The following MRAP2 variants were observed in gnomAD, a reference collection of about 807,000 sequenced individuals.
MRAP2 encodes melanocortin-2 receptor accessory protein 2.
Under a neutral mutation model 17.4 loss-of-function variants are expected in MRAP2, and 20 were observed. That is an observed-to-expected ratio of 1.15 (90% CI 0.81 to 1.67). The LOEUF (loss-of-function observed/expected upper bound fraction) is 1.67, where lower values mean the gene tolerates loss of function less well. Ranked by LOEUF, MRAP2 falls within the 40% of genes most tolerant of loss-of-function variation. The pLI is 0.00. For synonymous variants in MRAP2, 96 were observed against 88.4 expected (o/e 1.09, Z -0.48); for missense variants, 238 against 240.0 (o/e 0.99, Z 0.05).
chr6:84,114,745 C>T, the MRAP2 span, among the ~76,000 whole-genome samples: 10 of 152,146 alleles, frequency 6.6e-5, no homozygotes, highest in Admixed American at 1.3e-4. Flanking sequence ...TGGTGACCTT[C>T]GGATGGGGTC....
At chr6:84,035,448 T>C in intron 1 of MRAP2, 2 of 983,064 alleles carry the variant, frequency 2.0e-6, no homozygotes, top group Non-Finnish European at 2.4e-6. Flanking sequence ...GGGTATGCTG[T>C]ATCCATTGTC....
rs1452071609 is a variant in MRAP2, at chr6:84,047,161, A to ATTT, written c.-7-8147_-7-8145dup. On this transcript the variant is annotated intron_variant, in intron 1 of 3. Transcript: ENST00000257776. Reference sequence around the variant, plus strand: ...TTTGGAAGCACTGCTTATTATTATTATTTTTTAAATTATTTGTATTATTTA... The same window carrying ATTT: ...TTTGGAAGCACTGCTTATTATTATTATTTTTTTTTAAATTATTTGTATTATTTA... Among the ~76,000 whole-genome samples the ATTT allele has an allele frequency of 3.3e-5, 5 of 151,862 alleles. No individual in the cohort carries two copies. The East Asian group carries it at 9.7e-4, about 29-fold the overall frequency.
intron 1 of MRAP2, among the ~76,000 whole-genome samples, chr6:84,040,274 C>T (rs1437537530): frequency 6.6e-6 from 1 of 152,200 alleles, no homozygotes; most frequent in Non-Finnish European, 1.5e-5. Context: ...CTGAGGCCTC[C>T]CTAGCCCTGC....
the MRAP2 span, among the ~76,000 whole-genome samples, chr6:84,143,619 G>A: frequency 6.6e-6 from 1 of 151,866 alleles, no homozygotes; most frequent in Non-Finnish European, 1.5e-5. Flanking sequence ...GTAGAAGCTT[G>A]CAGAAGGAGA....
At chr6:84,126,506 T>C in the MRAP2 span, 2 of 1,530,032 alleles carry the variant, frequency 1.3e-6, no homozygotes, top group Non-Finnish European at 1.8e-6. Context: ...TCTAAGAGTT[T>C]TGTAATCTAA....
At chr6:84,057,589 G>T (rs2099492010) in intron 2 of MRAP2, among the ~76,000 whole-genome samples, 2 of 152,054 alleles carry the variant, frequency 1.3e-5, no homozygotes, top group African/African-American at 2.4e-5. Flanking sequence ...ATACAGATTT[G>T]GCACCAACAA....
chr6:84,053,090 T>G (rs2099490846), intron 1 of MRAP2, among the ~76,000 whole-genome samples: 1 of 152,132 alleles, frequency 6.6e-6, no homozygotes, highest in Admixed American at 6.5e-5. Context: ...TAGCCACAAA[T>G]GGGGGTCCCC....
intron 3 of MRAP2, among the ~76,000 whole-genome samples, chr6:84,071,412 A>G (rs1178995901): frequency 2.6e-5 from 4 of 152,144 alleles, no homozygotes; most frequent in African/African-American, 9.7e-5. Flanking sequence ...TAGGGCCCCA[A>G]TCCCTTCTAG....
the MRAP2 span, among the ~76,000 whole-genome samples, chr6:84,111,103 A>G: frequency 1.3e-5 from 2 of 152,118 alleles, no homozygotes; most frequent in Admixed American, 6.5e-5. Flanking sequence ...TTGGTTCCCT[A>G]TGAAATTTAA....
At chr6:84,071,246 CT>C (rs1313852761) in intron 3 of MRAP2, among the ~76,000 whole-genome samples, 1 of 152,168 alleles carries the variant, frequency 6.6e-6, no homozygotes, top group Admixed American at 6.5e-5. Context: ...CTTAAAGCTC[CT>C]TTTAGCAGTT....
intron 1 of MRAP2, among the ~76,000 whole-genome samples, chr6:84,054,255 C>T (rs981038591): frequency 2.0e-5 from 3 of 152,098 alleles, no homozygotes; most frequent in Non-Finnish European, 2.9e-5. Flanking sequence ...GCATCTCTGC[C>T]CACCCCACAG....
chr6:84,080,581 A>G lies in MRAP2; in HGVS notation c.228-8510A>G, dbSNP rs181123013. ...TTAGCCACATTTGAGCAACAAAGGT[A>G]GTTTGGAGGGAGTGGCTCTCAGGCT... On this transcript the variant is annotated intron_variant, in intron 3 of 3. Transcript: ENST00000257776. 5.5e-3 allele frequency among the ~76,000 whole-genome samples: 831 copies of G among 152,296 alleles called. 22 individuals carry two copies. The highest frequency in any genetic ancestry group is 0.05 in the Admixed American group (757 of 15,288).
the MRAP2 span, among the ~76,000 whole-genome samples, chr6:84,127,324 C>CTAATAA: frequency 0.11 from 16,172 of 151,938 alleles, 1,343 homozygotes; most frequent in African/African-American, 0.24. Context: ...AACAATAATA[C>CTAATAA]TAATACTAAA....
intron 3 of MRAP2, among the ~76,000 whole-genome samples, chr6:84,079,988 C>T (rs906392387): frequency 3.3e-5 from 5 of 151,010 alleles, no homozygotes; most frequent in South Asian, 2.1e-4. Context: ...TGAGGACCCT[C>T]GTTTCATAAC....
At position 84,089,194 on chromosome 6, in the gene MRAP2, G is replaced by A. The variant is rs746155658; in HGVS notation, c.331G>A (p.Glu111Lys). Reference protein sequence around the residue: ...DKVFSRQGNEESRSLFHCYIN... With the variant: ...DKVFSRQGNEKSRSLFHCYIN... Reference sequence around the variant, plus strand: ...AGTATTTTCTCGCCAAGGCAACGAGGAGTCCAGGTCTCTCTTTCACTGCTA... The same window carrying A: ...AGTATTTTCTCGCCAAGGCAACGAGAAGTCCAGGTCTCTCTTTCACTGCTA... The change falls in exon 4 of 4, where the codon GAG (glutamate) becomes AAG (lysine). Residue 111 changes from glutamate (E) to lysine (K), a missense_variant. Transcript: ENST00000257776. 1.2e-6 allele frequency: 2 copies of A among 1,614,178 alleles called. No homozygotes were observed. The highest frequency in any genetic ancestry group is 3.3e-5 in the Admixed American group (2 of 60,026).
the MRAP2 span, among the ~76,000 whole-genome samples, chr6:84,130,980 C>A: frequency 1.3e-5 from 2 of 152,158 alleles, no homozygotes; most frequent in Non-Finnish European, 2.9e-5. Context: ...CCTGCTTTCT[C>A]TTGTGGGCAT....
chr6:84,105,610 G>T, the MRAP2 span, among the ~76,000 whole-genome samples: 4 of 152,172 alleles, frequency 2.6e-5, no homozygotes, highest in African/African-American at 9.7e-5. Context: ...CAGCATGGTA[G>T]TACTAAGAGA....
chr6:84,097,999 G>A, the MRAP2 span, among the ~76,000 whole-genome samples: 1 of 152,088 alleles, frequency 6.6e-6, no homozygotes, highest in Non-Finnish European at 1.5e-5. Context: ...CATATTTGAA[G>A]TGCACAATTT....
At chr6:84,130,508 G>T in the MRAP2 span, among the ~76,000 whole-genome samples, 952 of 152,206 alleles carry the variant, frequency 6.3e-3, 4 homozygotes, top group African/African-American at 0.022. Flanking sequence ...TGGTTGGTAG[G>T]CTATTAATTA....
Sources: gnomAD v4.1 joint callset for allele counts (sites outside exome capture counted in the v4.1 genomes callset) on GRCh38, gnomAD v4.1.1 for gene constraint, MANE v1.5 for transcripts, NCBI Gene and HGNC (gene_info 2026-07-23, HGNC 2026-07-21) for gene names.